Variants in TOE1 observed in about 807,000 individuals in gnomAD.
TOE1 encodes target of EGR1, exonuclease.
In TOE1, 50 loss-of-function variants were observed where a neutral mutation model predicts 49.2. That is an observed-to-expected ratio of 1.02 (90% CI 0.81 to 1.29). TOE1 has a LOEUF of 1.29. Ranked by LOEUF, TOE1 falls within the 50% of genes most tolerant of loss-of-function variation. The pLI, the probability that TOE1 is intolerant of heterozygous loss-of-function variation, is 0.00. For synonymous variants in TOE1, 221 were observed against 247.0 expected, an observed-to-expected ratio of 0.89 and a Z score of 0.99; for missense variants, 544 against 654.4, an observed-to-expected ratio of 0.83 and a Z score of 1.84.
intron 6 of TOE1, 51 bp from the exon 7 acceptor site, chr1:45,342,792 T>C (rs1408188701): frequency 6.2e-7 from 1 of 1,611,676 alleles, no homozygotes; most frequent in East Asian, 2.2e-5. Context: ...AAAACCCTGC[T>C]CTTATGGAGC....
rs376295493 is a variant in TOE1, at chr1:45,342,603, C to T, written c.712C>T (p.Arg238Cys). Residue 238 changes from arginine to cysteine, a missense_variant, in exon 6 of 8, where the codon CGT (arginine) becomes TGT (cysteine). By Grantham distance (180) the Arg-to-Cys change is radical. Transcript: ENST00000372090. Reference protein sequence around the residue: ...DTKYAAEFHARFVASYLEYAF... With the variant: ...DTKYAAEFHACFVASYLEYAF... ...CAAATATGCTGCTGAGTTTCATGCC[C>T]GTTTCGTGGCCTCCTACTTAGAATA... 4 of 1,614,066 alleles carry T rather than the reference C, an allele frequency of 2.5e-6. No individual in the cohort carries two copies. Among genetic ancestry groups the T allele is most frequent in the Non-Finnish European group, 3.4e-6 (4 of 1,180,022 alleles).
Position 45,340,243 on chromosome 1 carries a change from G to A in TOE1, c.-10G>A, listed in dbSNP as rs876659717. 1 of 1,613,818 alleles carries A rather than the reference G, an allele frequency of 6.2e-7. No homozygotes were observed. The highest frequency in any genetic ancestry group is 2.2e-5 in the East Asian group (1 of 44,886). On this transcript the variant is annotated 5_prime_UTR_variant, in exon 1 of 8. Transcript: ENST00000372090. ...CCCACAGACGACTCAGGCGGGAGAC[G>A]AGCGGTGTCATGGCCGCCGACAGTG...
In TOE1 at chr1:45,340,434, A is replaced by G. The variant is rs1215187269; in HGVS notation, c.52+130A>G. ...CCTTCCGCCTGAACTAGCCACGAGGAGACTACAAGTTCCGTTGTACACCGC... is the reference window on the plus strand; with the variant it reads ...CCTTCCGCCTGAACTAGCCACGAGGGGACTACAAGTTCCGTTGTACACCGC... On this transcript the variant is annotated intron_variant, in intron 1 of 7. Coordinates refer to ENST00000372090, the MANE Select transcript of TOE1 (RefSeq NM_025077.4). 1.3e-6 allele frequency: 2 copies of G among 1,519,410 alleles called. No individual in the cohort carries two copies. Among genetic ancestry groups the G allele is most frequent in the African/African-American group, 1.4e-5 (1 of 72,306 alleles). The allele number at this position is 1,519,410 out of a possible 1,614,324, so 94.1% of individuals were successfully genotyped here.
Position 45,342,506 on chromosome 1 carries a change from A to C in TOE1, c.615A>C (p.Ala205=), listed in dbSNP as rs772071374. 1.2e-6 allele frequency: 2 copies of C among 1,614,054 alleles called. No homozygotes were observed. The highest frequency in any genetic ancestry group is 8.5e-7 in the Non-Finnish European group (1 of 1,180,010). ...DLVFLYQNFY[A]HLPESLGTFT... is the part of the protein sequence containing the mutation. Reference sequence around the variant, plus strand: ...TGTTCCTGTACCAGAACTTCTATGCACACCTCCCTGAGAGTCTGGGAACCT... The same window carrying C: ...TGTTCCTGTACCAGAACTTCTATGCCCACCTCCCTGAGAGTCTGGGAACCT... The change falls in exon 6 of 8, where the codon GCA becomes GCC. Residue 205 remains alanine (A), a synonymous_variant. Coordinates refer to ENST00000372090, the MANE Select transcript of TOE1 (RefSeq NM_025077.4).
Position 45,343,614 on chromosome 1 carries a change from C to T in TOE1, c.1445C>T (p.Ala482Val), listed in dbSNP as rs528828130. 2 of 1,614,144 alleles carry T rather than the reference C, an allele frequency of 1.2e-6. No individual in the cohort carries two copies. The highest frequency in any genetic ancestry group is 1.7e-5 in the Admixed American group (1 of 60,010). ...CHNKVYLSGK[A>V]VPLTVAKSQF... The stretch of plus-strand genomic sequence containing the variant: ...AATAAGGTATATTTGAGTGGCAAAG[C>T]TGTACCCCTCACAGTGGCCAAGAGC... Residue 482 changes from alanine (A) to valine (V), a missense_variant, in exon 8 of 8, where the codon GCT (alanine) becomes GTT (valine). Transcript: ENST00000372090. This position sits in a 1 kb window ranked among gnomAD's most constrained non-coding sequence, Gnocchi z 4.3.
At position 45,341,029 on chromosome 1, in the gene TOE1, C is replaced by T. The variant is rs771407542; in HGVS notation, c.53-44C>T. On this transcript the variant is annotated intron_variant, in intron 1 of 7. Transcript: ENST00000372090. ...CTAGCTTGGTGTCTGTTCCCCTGGG[C>T]TCTTTCCTTAAGCATGAACATCCAT... 5 of 1,612,568 alleles carry T rather than the reference C, an allele frequency of 3.1e-6. No individual in the cohort carries two copies. The Admixed American group carries it at 6.7e-5, about 22-fold the overall frequency.
intron 6 of TOE1, 59 bp downstream of exon 6, chr1:45,342,702 A>G: frequency 1.2e-6 from 2 of 1,603,216 alleles, no homozygotes; most frequent in Non-Finnish European, 1.7e-6. Flanking sequence ...TCATTCACTT[A>G]AGATATTTAT....
intron 5 of TOE1, 116 bp from the exon 6 acceptor site, chr1:45,342,268 C>T (rs1207250964): frequency 4.6e-6 from 7 of 1,513,420 alleles, no homozygotes; most frequent in Admixed American, 1.9e-5. Context: ...GGGTGGGCAG[C>T]ATTGGGTAAG....
At position 45,343,456 on chromosome 1, in the gene TOE1, T is replaced by TA; in HGVS notation, c.1289dup (p.Asn430LysfsTer14). 2 of 1,614,166 alleles carry TA rather than the reference T, an allele frequency of 1.2e-6. No individual in the cohort carries two copies. Among genetic ancestry groups the TA allele is most frequent in the Non-Finnish European group, 1.7e-6 (2 of 1,180,044 alleles). On this transcript the variant is annotated frameshift_variant, in exon 8 of 8. Coordinates refer to ENST00000372090, the MANE Select transcript of TOE1 (RefSeq NM_025077.4). LOFTEE classifies it high-confidence loss of function. This position sits in a 1 kb window ranked among gnomAD's most constrained non-coding sequence, Gnocchi z 4.3. Reference sequence around the variant, plus strand: ...AAGTGCCAGGGAGCCAAGCCAGTCCTAACCCAGTGCCTGGGGATGGATTGC... The same window carrying TA: ...AAGTGCCAGGGAGCCAAGCCAGTCCTAAACCCAGTGCCTGGGGATGGATTGC...
In TOE1 at chr1:45,342,584, T is replaced by C; in HGVS notation, c.693T>C (p.Tyr231=). Residue 231 remains tyrosine (Y), a synonymous_variant, in exon 6 of 8, where the codon TAT becomes TAC. Coordinates refer to ENST00000372090, the MANE Select transcript of TOE1 (RefSeq NM_025077.4). ...MFPAGIYDTK[Y]AAEFHARFVA... ...CAGCAGGCATTTATGACACCAAATA[T>C]GCTGCTGAGTTTCATGCCCGTTTCG... 6.2e-7 allele frequency: 1 copy of C among 1,614,148 alleles called. No homozygotes were observed. Among genetic ancestry groups the C allele is most frequent in the East Asian group, 2.2e-5 (1 of 44,882 alleles).
chr1:45,342,691 T>C (rs765797750), intron 6 of TOE1, 48 bp downstream of exon 6: 13 of 1,605,990 alleles, frequency 8.1e-6, no homozygotes, highest in Non-Finnish European at 1.0e-5. Flanking sequence ...ACGAGTTTAT[T>C]TCATTCACTT....
rs746513401 is a variant in TOE1, at chr1:45,343,082, G to T, written c.913G>T (p.Ala305Ser). 3 of 1,613,308 alleles carry T rather than the reference G, an allele frequency of 1.9e-6. No homozygotes were observed. The Admixed American group carries it at 5.0e-5, about 27-fold the overall frequency. Residue 305 changes from alanine (A) to serine (S), a missense_variant and splice_region_variant, in exon 8 of 8, where the codon GCT becomes TCT. By Grantham distance (99) the Ala-to-Ser change is moderately conservative. Transcript: ENST00000372090. This position sits in a 1 kb window ranked among gnomAD's most constrained non-coding sequence, Gnocchi z 4.3. ...HPTSICDNFS[A>S]YGWCPLGPQC... is the part of the protein sequence containing the mutation. ...TTCTAAGCCTCTTTCCCACCCCTAG[G>T]CTTATGGCTGGTGCCCCCTGGGACC...
At chr1:45,341,041 G>A (rs1175389637) in intron 1 of TOE1, 32 bp from the exon 2 acceptor site, 2 of 1,613,636 alleles carry the variant, frequency 1.2e-6, no homozygotes, top group African/African-American at 2.7e-5. Context: ...CTTTCCTTAA[G>A]CATGAACATC....
At position 45,342,519 on chromosome 1, in the gene TOE1, A is replaced by T. The variant is rs1323767734; in HGVS notation, c.628A>T (p.Ser210Cys). The T allele has an allele frequency of 6.2e-7, 1 of 1,614,174 alleles. No homozygotes were observed. The highest frequency in any genetic ancestry group is 1.1e-5 in the South Asian group (1 of 91,076). Residue 210 changes from serine (S) to cysteine (C), a missense_variant, in exon 6 of 8, where the codon AGT becomes TGT. Ser to Cys is a moderately radical substitution (Grantham distance 112, BLOSUM62 -1). Transcript: ENST00000372090. Reference protein sequence around the residue: ...YQNFYAHLPESLGTFTADLCE... With the variant: ...YQNFYAHLPECLGTFTADLCE... ...GAACTTCTATGCACACCTCCCTGAG[A>T]GTCTGGGAACCTTCACCGCTGACCT...
rs1647082460 is a variant in TOE1 at position 45,343,282 on chromosome 1, T to G, written c.1113T>G (p.Cys371Trp). Residue 371 changes from cysteine to tryptophan, a missense_variant, in exon 8 of 8, where the codon TGT becomes TGG. Physicochemically the swap from Cys to Trp is radical, Grantham distance 215. Transcript: ENST00000372090. The surrounding 1 kb of genome is among the most constrained non-coding windows in gnomAD (Gnocchi z 4.3). ...ATGGTCCTCCCAAGAAGCAGGTCTG[T>G]GGGGATAGCATCAAGCCTGAAGAAA... ...AKDGPPKKQV[C>W]GDSIKPEETE... 6.2e-7 allele frequency: 1 copy of G among 1,613,790 alleles called. No homozygotes were observed. The highest frequency in any genetic ancestry group is 1.7e-5 in the Admixed American group (1 of 59,978).
chr1:45,341,542 C>T lies in TOE1; in HGVS notation c.306C>T (p.Leu102=), dbSNP rs1174448118. The T allele has an allele frequency of 1.9e-6, 3 of 1,613,892 alleles. No homozygotes were observed. Among genetic ancestry groups the T allele is most frequent in the Non-Finnish European group, 1.7e-6 (2 of 1,179,932 alleles). Residue 102 remains leucine (L), a synonymous_variant, in exon 4 of 8, where the codon CTC becomes CTT. Coordinates refer to ENST00000372090, the MANE Select transcript of TOE1 (RefSeq NM_025077.4). Reference sequence around the variant, plus strand: ...CCCGTTCTATCCTTTCCCTGGGCCTCGCCTGCTTCAAGCGGCAGCCAGACA... The same window carrying T: ...CCCGTTCTATCCTTTCCCTGGGCCTTGCCTGCTTCAAGCGGCAGCCAGACA... ...ARTRSILSLG[L]ACFKRQPDKG...
intron 1 of TOE1, 102 bp from the exon 2 acceptor site, chr1:45,340,971 G>A (rs1344114551): frequency 1.2e-5 from 19 of 1,526,820 alleles, no homozygotes; most frequent in Non-Finnish European, 1.6e-5. Flanking sequence ...AGCTACCAAT[G>A]GAAACTACCC....
In TOE1 at chr1:45,341,278, C is replaced by T. The variant is rs182163860; in HGVS notation, c.196-25C>T. On this transcript the variant is annotated intron_variant, in intron 2 of 7. Transcript: ENST00000372090. ...AGGGGCTGGTGCTAGAGGCCTGTCA[C>T]AACTCTCCCTTTACCTACCCACAGG... 627 of 1,614,206 alleles carry T rather than the reference C, an allele frequency of 3.9e-4. 7 individuals carry two copies. The Middle Eastern group carries it at 8.1e-3, about 21-fold the overall frequency.
At chr1:45,341,827 C>A in intron 4 of TOE1, 122 bp from the exon 5 acceptor site, 1 of 1,089,970 alleles carries the variant, frequency 9.2e-7, no homozygotes. Flanking sequence ...TCTTTTATCC[C>A]TCACCTGCCT....
Sources: allele counts gnomAD v4.1 joint callset, GRCh38; gene constraint gnomAD v4.1.1; non-coding constraint Gnocchi (gnomAD v3.1); transcripts MANE v1.5; gene names NCBI Gene and HGNC (gene_info 2026-07-23, HGNC 2026-07-21).